Variants in ZFHX3 observed in about 807,000 individuals in gnomAD.
ZFHX3 encodes zinc finger homeobox 3.
In ZFHX3, 42 loss-of-function variants were observed where a neutral mutation model predicts 279.1. The ratio of observed to expected loss-of-function variants is 0.15; its 90% CI spans 0.12 to 0.19. The LOEUF (loss-of-function observed/expected upper bound fraction) is 0.19, where lower values mean the gene tolerates loss of function less well. Among genes scored for constraint, ZFHX3 ranks in the 10% least tolerant of loss-of-function variants. ZFHX3 has a pLI of 1.00. For missense variants in ZFHX3, 4,981 were observed against 4,754.0 expected (o/e 1.05, Z -1.40); for synonymous variants, 2,293 against 1,957.8 (o/e 1.17, Z -4.52).
intron 3 of ZFHX3, among the ~76,000 whole-genome samples, chr16:73,433,060 T>C (rs1597333667): frequency 6.6e-6 from 1 of 152,318 alleles, no homozygotes; most frequent in African/African-American, 2.4e-5. Context: ...AGAGCCCTGC[T>C]GTGTCCCTGG....
chr16:73,638,975 AG>A (rs1279342031), intron 2 of ZFHX3, among the ~76,000 whole-genome samples: 4 of 152,228 alleles, frequency 2.6e-5, no homozygotes, highest in South Asian at 2.1e-4. Flanking sequence ...GAGAAGCAAA[AG>A]AAAAACAAAG....
intron 1 of ZFHX3, among the ~76,000 whole-genome samples, chr16:73,743,431 T>C (rs440948): frequency 0.08 from 12,222 of 152,256 alleles, 689 homozygotes; most frequent in African/African-American, 0.15. Flanking sequence ...TTCTGTTTGG[T>C]CAAAGGATAT....
chr16:73,395,695 T>C (rs2017113346), intron 3 of ZFHX3, among the ~76,000 whole-genome samples: 1 of 152,028 alleles, frequency 6.6e-6, no homozygotes, highest in African/African-American at 2.4e-5. Flanking sequence ...AAGACACCAA[T>C]TGTTTTTCTT....
chr16:73,863,581 C>G (rs1961937089), intron 1 of ZFHX3, among the ~76,000 whole-genome samples: 2 of 152,198 alleles, frequency 1.3e-5, no homozygotes, highest in South Asian at 4.1e-4. Context: ...TGACCATCTG[C>G]TTAAGTTCTG....
At chr16:73,012,348 T>C (rs527426497) in intron 1 of ZFHX3, among the ~76,000 whole-genome samples, 4 of 152,382 alleles carry the variant, frequency 2.6e-5, no homozygotes, top group Admixed American at 6.5e-5. Flanking sequence ...CAAGTGATAC[T>C]GCACATGACA....
At chr16:72,817,470 G>T (rs2143639715) in intron 5 of ZFHX3, among the ~76,000 whole-genome samples, 1 of 152,244 alleles carries the variant, frequency 6.6e-6, no homozygotes, top group Non-Finnish European at 1.5e-5. Context: ...GAACCTTAAG[G>T]TCCCTCATTT....
At chr16:73,488,378 A>G (rs2019008387) in intron 2 of ZFHX3, among the ~76,000 whole-genome samples, 1 of 152,172 alleles carries the variant, frequency 6.6e-6, no homozygotes. Context: ...GGGTAGGGGT[A>G]AAGGAAGGCG....
At chr16:73,490,474 A>C (rs776246969) in intron 2 of ZFHX3, among the ~76,000 whole-genome samples, 1 of 152,254 alleles carries the variant, frequency 6.6e-6, no homozygotes, top group African/African-American at 2.4e-5. Context: ...TGAAATAAAA[A>C]TTGAATTGCT....
At chr16:73,243,921 G>T (rs1299200802) in intron 5 of ZFHX3, among the ~76,000 whole-genome samples, 2 of 152,208 alleles carry the variant, frequency 1.3e-5, no homozygotes, top group Non-Finnish European at 2.9e-5. Flanking sequence ...ACATCATGGA[G>T]GTTCAGAGAT....
At position 73,682,978 on chromosome 16, in the gene ZFHX3, GAAAGAAAGAAAGA is replaced by G. The variant is rs1567550772; in HGVS notation, c.-1607-2751_-1607-2739del. 7.1e-3 allele frequency among the ~76,000 whole-genome samples: 270 copies of G among 37,908 alleles called. 37 individuals carry two copies. Among genetic ancestry groups the G allele is most frequent in the African/African-American group, 0.023 (243 of 10,358 alleles). The allele number at this position is 37,908 out of a possible 152,430, so 24.9% of individuals were successfully genotyped here. On this transcript the variant is annotated intron_variant, in intron 1 of 17. Coordinates refer to the ZFHX3 transcript ENST00000641206. ...AGAAAGAAAGAAAGAAAGAAAGAAA[GAAAGAAAGAAAGA>G]AAAGAAAGAAAGAAAGAAAGAGAAA...
intron 4 of ZFHX3, 142 bp from the exon 5 acceptor site, chr16:72,830,001 T>A: frequency 1.2e-6 from 1 of 815,336 alleles, no homozygotes. Flanking sequence ...CCTGGGAGAC[T>A]GACGGTGCTA....
At chr16:73,270,696 C>CA (rs2014119400) in intron 4 of ZFHX3, among the ~76,000 whole-genome samples, 1 of 152,154 alleles carries the variant, frequency 6.6e-6, no homozygotes, top group South Asian at 2.1e-4. Context: ...CAGCGGTCCC[C>CA]TATCAGGCTG....
At chr16:72,803,940 A>T (rs1421432777) in intron 7 of ZFHX3, among the ~76,000 whole-genome samples, 1 of 152,224 alleles carries the variant, frequency 6.6e-6, no homozygotes, top group Non-Finnish European at 1.5e-5. Context: ...CTTCTGAGCC[A>T]GTTCAACTAC....
At chr16:72,919,394 C>T (rs527271648) in intron 3 of ZFHX3, among the ~76,000 whole-genome samples, 14 of 152,258 alleles carry the variant, frequency 9.2e-5, no homozygotes, top group African/African-American at 3.1e-4. Flanking sequence ...CTCCTGAGCT[C>T]AAGTGATCTA....
At position 73,037,482 on chromosome 16, in the gene ZFHX3, C is replaced by A. The variant is rs34003787; in HGVS notation, c.-50+10270G>T. ...CTGCTGGGTGTGCTGGCCAGCCCGG[C>A]GACAGTTTCAATAAGTCAAGAGGCA... is the stretch of plus-strand genomic sequence containing the variant. On this transcript the variant is annotated intron_variant, in intron 1 of 9. Transcript: ENST00000268489. Among the ~76,000 whole-genome samples the A allele has an allele frequency of 6.6e-5, 10 of 152,104 alleles. 1 individual carries two copies. The highest frequency in any genetic ancestry group is 4.2e-4 in the South Asian group (2 of 4,802).
intron 5 of ZFHX3, among the ~76,000 whole-genome samples, chr16:73,210,648 G>A (rs560169726): frequency 6.6e-6 from 1 of 152,210 alleles, no homozygotes; most frequent in Non-Finnish European, 1.5e-5. Flanking sequence ...CATTCTTTCA[G>A]CTAACCCTAA....
intron 1 of ZFHX3, among the ~76,000 whole-genome samples, chr16:73,813,177 G>C (rs1960469998): frequency 6.6e-6 from 1 of 151,778 alleles, no homozygotes; most frequent in Non-Finnish European, 1.5e-5. Flanking sequence ...CTGTCTCTCT[G>C]TCTTCTCTCT....
At chr16:73,372,881 T>A (rs1362306590) in intron 3 of ZFHX3, among the ~76,000 whole-genome samples, 1 of 152,088 alleles carries the variant, frequency 6.6e-6, no homozygotes, top group East Asian at 1.9e-4. Context: ...GACACCTACA[T>A]CCGAAACATA....
upstream of ZFHX3, among the ~76,000 whole-genome samples, chr16:73,051,640 T>C (rs1363838699): frequency 1.3e-5 from 2 of 152,214 alleles, no homozygotes; most frequent in Non-Finnish European, 2.9e-5. Flanking sequence ...AATCTGTCAA[T>C]GATATCCCAC....
Sources: gnomAD v4.1 joint callset for allele counts (sites outside exome capture counted in the v4.1 genomes callset) on GRCh38, gnomAD v4.1.1 for gene constraint, MANE v1.5 for transcripts, NCBI Gene and HGNC (gene_info 2026-07-23, HGNC 2026-07-21) for gene names.